The following WDR59 variants were observed in gnomAD, a reference collection of about 807,000 sequenced individuals.
The protein encoded by WDR59 is WD repeat domain 59.
A neutral mutation model predicts 131.2 loss-of-function variants in WDR59; 100 were observed. That is an observed-to-expected ratio of 0.76 (90% confidence interval 0.65 to 0.90). WDR59 has a LOEUF of 0.90. Among genes scored for constraint, WDR59 ranks in the 40% least tolerant of loss-of-function variants. The pLI, the probability that WDR59 is intolerant of heterozygous loss-of-function variation, is 0.00. For synonymous variants in WDR59, 601 were observed against 466.2 expected (o/e 1.29, Z -3.72); for missense variants, 1,203 against 1,262.2 (o/e 0.95, Z 0.71).
At chr16:74,943,674 G>A (rs1191087338) in intron 6 of WDR59, among the ~76,000 whole-genome samples, 1 of 152,138 alleles carries the variant, frequency 6.6e-6, no homozygotes, top group Non-Finnish European at 1.5e-5. Flanking sequence ...CTTGCTCACA[G>A]CACACATGAC....
At position 74,906,888 on chromosome 16, in the gene WDR59, A is replaced by G. The variant is rs138092902; in HGVS notation, c.1712+2020T>C. Reference sequence around the variant, plus strand: ...CCTTTGTGGGTGAGGACAGTGTTCTATATCTTGATATGAGTGTTGGTCACC... The same window carrying G: ...CCTTTGTGGGTGAGGACAGTGTTCTGTATCTTGATATGAGTGTTGGTCACC... On this transcript the variant is annotated intron_variant, in intron 17 of 25. Coordinates refer to ENST00000262144, the MANE Select transcript of WDR59 (RefSeq NM_030581.4). 1.1e-3 allele frequency among the ~76,000 whole-genome samples: 174 copies of G among 152,286 alleles called. 1 individual carries two copies. Among genetic ancestry groups the G allele is most frequent in the African/African-American group, 4.1e-3 (171 of 41,562 alleles).
At chr16:74,981,799 G>A (rs1214278431) in intron 1 of WDR59, among the ~76,000 whole-genome samples, 2 of 141,924 alleles carry the variant, frequency 1.4e-5, no homozygotes, top group African/African-American at 5.2e-5. Flanking sequence ...GGGATTACAG[G>A]TGCATGCCAC....
At chr16:74,904,358 C>G in intron 17 of WDR59, 1 of 405,154 alleles carries the variant, frequency 2.5e-6, no homozygotes, top group South Asian at 2.8e-5. Flanking sequence ...ACAAGGTCAA[C>G]CTACAAATAT....
intron 18 of WDR59, among the ~76,000 whole-genome samples, chr16:74,896,263 G>A (rs77030065): frequency 8.9e-4 from 136 of 152,256 alleles, no homozygotes; most frequent in African/African-American, 2.9e-3. Flanking sequence ...ATTCACTATC[G>A]TTCAGTTTAA....
intron 13 of WDR59, chr16:74,915,380 G>C (rs1257754589): frequency 1.3e-5 from 2 of 152,402 alleles, no homozygotes; most frequent in African/African-American, 4.8e-5. Context: ...GGGGTAGAAA[G>C]AAAGTCTGCA....
intron 8 of WDR59, among the ~76,000 whole-genome samples, chr16:74,934,116 C>T (rs1177925294): frequency 6.6e-6 from 1 of 152,250 alleles, no homozygotes; most frequent in East Asian, 1.9e-4. Flanking sequence ...ACTGTGCATG[C>T]CTCCCTATTA....
intron 13 of WDR59, 148 bp downstream of exon 13, chr16:74,915,722 C>T: frequency 8.2e-7 from 1 of 1,226,400 alleles, no homozygotes; most frequent in Non-Finnish European, 1.1e-6. Context: ...CCGCGCCTGG[C>T]CAGAAAACCC....
chr16:74,968,912 C>G (rs1002155528), intron 1 of WDR59, among the ~76,000 whole-genome samples: 3 of 152,174 alleles, frequency 2.0e-5, no homozygotes, highest in Admixed American at 2.0e-4. Flanking sequence ...TTACACTAAG[C>G]TGTCCCAAAG....
intron 10 of WDR59, among the ~76,000 whole-genome samples, chr16:74,919,497 T>C (rs1304711855): frequency 8.0e-6 from 1 of 125,774 alleles, no homozygotes; most frequent in African/African-American, 3.2e-5. Flanking sequence ...CACACCTGGC[T>C]AATTTTTTTT....
At chr16:74,983,544 G>A (rs1597835078) in intron 1 of WDR59, among the ~76,000 whole-genome samples, 1 of 152,070 alleles carries the variant, frequency 6.6e-6, no homozygotes, top group African/African-American at 2.4e-5. Flanking sequence ...GGGGAAGAGG[G>A]GATGTATATG....
At chr16:74,900,477 T>C (rs1266511110) in intron 18 of WDR59, among the ~76,000 whole-genome samples, 2 of 152,206 alleles carry the variant, frequency 1.3e-5, no homozygotes, top group Non-Finnish European at 2.9e-5. Flanking sequence ...TTTAGTAACA[T>C]AAACTAAAGC....
rs561070357 is a variant in WDR59, at chr16:74,916,584, C to T, written c.967-325G>A. Among the ~76,000 whole-genome samples the T allele has an allele frequency of 2.0e-5, 3 of 152,250 alleles. No homozygotes were observed. The South Asian group carries it at 6.2e-4, about 32-fold the overall frequency. ...AGCAAAAATATCATAACCGGCCAGG[C>T]GTAGTGGCTCATGCCTGTAATCCCA... On this transcript the variant is annotated intron_variant, in intron 11 of 25. Transcript: ENST00000262144.
rs765266788 is a variant in WDR59, at chr16:74,909,642, C to T, written c.1501G>A (p.Ala501Thr). The change falls in exon 16 of 26, where the codon GCT becomes ACT. Residue 501 changes from alanine to threonine, a missense_variant. Coordinates refer to ENST00000262144, the MANE Select transcript of WDR59 (RefSeq NM_030581.4). ...GGGAGTGCAAACGGGTTGCTGGAAG[C>T]GCTGTCTTCCTGGTTCTGAAATTTA... ...LESFVNQEDS[A>T]SSNPFALPNS... 7.6e-6 allele frequency: 12 copies of T among 1,579,472 alleles called. No individual in the cohort carries two copies. Among genetic ancestry groups the T allele is most frequent in the South Asian group, 2.3e-5 (2 of 85,330 alleles).
At chr16:74,979,469 AC>A (rs1231249293) in intron 1 of WDR59, among the ~76,000 whole-genome samples, 1 of 890 alleles carries the variant, frequency 1.1e-3, no homozygotes, top group Non-Finnish European at 5.7e-3. Context: ...CTGTCTCAAA[AC>A]AAAACAAAAC....
intron 2 of WDR59, among the ~76,000 whole-genome samples, chr16:74,958,524 C>G (rs1277147645): frequency 7.7e-6 from 1 of 130,392 alleles, no homozygotes; most frequent in Non-Finnish European, 1.6e-5. Context: ...ACCTGGGAGG[C>G]AGAGGTTGCA....
chr16:74,953,400 G>A (rs1222511156), intron 3 of WDR59, among the ~76,000 whole-genome samples: 1 of 150,564 alleles, frequency 6.6e-6, no homozygotes, highest in Non-Finnish European at 1.5e-5. Context: ...TTGAACCTGG[G>A]AAGCAGAGGC....
chr16:74,885,639 A>G lies in WDR59; in HGVS notation c.2689+14T>C, dbSNP rs1964717464. 1.2e-6 allele frequency: 2 copies of G among 1,612,962 alleles called. No individual in the cohort carries two copies. Among genetic ancestry groups the G allele is most frequent in the South Asian group, 2.2e-5 (2 of 90,868 alleles). ...TTCAGACAGTGAAAGGAAGAGAGAG[A>G]AATTCATACTCACCGATCCCTTTGT... On this transcript the variant is annotated intron_variant, in intron 25 of 25. Coordinates refer to ENST00000262144, the MANE Select transcript of WDR59 (RefSeq NM_030581.4).
chr16:74,899,916 C>A (rs756245399), intron 18 of WDR59, among the ~76,000 whole-genome samples: 1 of 152,176 alleles, frequency 6.6e-6, no homozygotes, highest in Non-Finnish European at 1.5e-5. Flanking sequence ...AAAATCTGAA[C>A]CTAAGCACAG....
intron 14 of WDR59, among the ~76,000 whole-genome samples, chr16:74,911,854 A>G (rs1158052154): frequency 2.6e-5 from 4 of 152,258 alleles, no homozygotes; most frequent in African/African-American, 7.2e-5. Flanking sequence ...AGATGAATGC[A>G]TAGTATTAAT....
Sources: gnomAD v4.1 joint callset for allele counts (sites outside exome capture counted in the v4.1 genomes callset) on GRCh38, gnomAD v4.1.1 for gene constraint, MANE v1.5 for transcripts, NCBI Gene and HGNC (gene_info 2026-07-23, HGNC 2026-07-21) for gene names.